LHFPL2: variants seen among roughly 807,000 people sequenced by gnomAD.
LHFPL2 encodes LHFPL tetraspan subfamily member 2 protein.
In LHFPL2, 7 loss-of-function variants were observed where a neutral mutation model predicts 17.5. That is an observed-to-expected ratio of 0.40 (90% confidence interval 0.23 to 0.75). LHFPL2 has a LOEUF of 0.75. LHFPL2 is among the 30% of genes least tolerant of loss of function. The pLI, the probability that LHFPL2 is intolerant of heterozygous loss-of-function variation, is 0.37. For missense variants in LHFPL2, 241 were observed against 294.8 expected (o/e 0.82, Z 1.34); for synonymous variants, 134 against 116.2 (o/e 1.15, Z -0.99).
intron 3 of LHFPL2, among the ~76,000 whole-genome samples, chr5:78,540,007 A>G (rs1217440049): frequency 6.6e-6 from 1 of 152,200 alleles, no homozygotes; most frequent in Admixed American, 6.5e-5. Context: ...GAGTCTCTAC[A>G]AGAATTCTAA....
chr5:78,496,884 T>C (rs10043027), intron 4 of LHFPL2, among the ~76,000 whole-genome samples: 121,299 of 152,114 alleles, frequency 0.8, 48,767 homozygotes, highest in East Asian at 0.92. Context: ...CTTGGTCCTC[T>C]TCCCTATCTA....
At chr5:78,609,450 CAAAA>C (rs71613975) in intron 2 of LHFPL2, among the ~76,000 whole-genome samples, 12 of 40,680 alleles carry the variant, frequency 2.9e-4, no homozygotes, top group African/African-American at 1.0e-3. Flanking sequence ...GACTCAGTCT[CAAAA>C]AAAAAAAAAA....
At chr5:78,641,924 C>CACATACACACAT (rs1554061989) in intron 1 of LHFPL2, 1 of 150,656 alleles carries the variant, frequency 6.6e-6, no homozygotes, top group Non-Finnish European at 1.5e-5. Flanking sequence ...CACACACACA[C>CACATACACACAT]ACACACACAC....
At position 78,592,289 on chromosome 5, in the gene LHFPL2, C is replaced by T. The variant is rs547955856; in HGVS notation, c.-244-27418G>A. 1.1e-4 allele frequency among the ~76,000 whole-genome samples: 17 copies of T among 152,278 alleles called. 1 individual carries two copies. The South Asian group carries it at 1.9e-3, about 17-fold the overall frequency. ...AGAGAGCACCTCTCTCAAAGGAGTG[C>T]GGGATGGATGCCTCAGATTTCAGAG... On this transcript the variant is annotated intron_variant, in intron 2 of 4. Transcript: ENST00000380345.
intron 2 of LHFPL2, among the ~76,000 whole-genome samples, chr5:78,618,979 A>T (rs890960511): frequency 1.1e-4 from 17 of 152,144 alleles, no homozygotes; most frequent in African/African-American, 3.9e-4. Context: ...ACTATCACCA[A>T]AAAAATATCT....
intron 2 of LHFPL2, among the ~76,000 whole-genome samples, chr5:78,592,023 T>C (rs1743644014): frequency 6.6e-6 from 1 of 152,148 alleles, no homozygotes; most frequent in Admixed American, 6.5e-5. Context: ...ATCTGGAGAG[T>C]GTCTGAAAGA....
Position 78,518,557 on chromosome 5 carries a change from C to T in LHFPL2, c.-185-8159G>A, listed in dbSNP as rs549650179. ...ACACTCCTCAGGGGAACGTGAGCTC[C>T]ACGCGCAGCTGCCAGTAGCCATAGG... On this transcript the variant is annotated intron_variant, in intron 3 of 4. Transcript: ENST00000380345. 7.2e-5 allele frequency among the ~76,000 whole-genome samples: 11 copies of T among 152,358 alleles called. No homozygotes were observed. In the South Asian group the frequency reaches 1.2e-3, roughly 17 times the overall value.
At chr5:78,644,854 CT>C (rs902228770) in intron 1 of LHFPL2, 44 of 188,270 alleles carry the variant, frequency 2.3e-4, no homozygotes, top group South Asian at 1.2e-4. Flanking sequence ...ATGTTTAGTT[CT>C]TTTTTTCCTC....
chr5:78,544,614 T>G lies in LHFPL2; in HGVS notation c.-186+20199A>C, dbSNP rs983135871. On this transcript the variant is annotated intron_variant, in intron 3 of 4. Coordinates refer to ENST00000380345, the MANE Select transcript of LHFPL2 (RefSeq NM_005779.3). ...TGTCTGAATCTTCAAGTAGCTGATC[T>G]GTGCGGATGCAGTGACGGAGCCACA... Among the ~76,000 whole-genome samples, 87 of 152,314 alleles carry G rather than the reference T, an allele frequency of 5.7e-4. 1 individual carries two copies. The highest frequency in any genetic ancestry group is 2.1e-3 in the African/African-American group (87 of 41,568).
chr5:78,605,393 G>A (rs755014340), intron 2 of LHFPL2, among the ~76,000 whole-genome samples: 44 of 152,140 alleles, frequency 2.9e-4, no homozygotes, highest in Non-Finnish European at 5.4e-4. Flanking sequence ...GAAATACATG[G>A]CCCTGACAGG....
intron 3 of LHFPL2, among the ~76,000 whole-genome samples, chr5:78,514,787 T>C (rs1366594213): frequency 1.3e-5 from 2 of 152,210 alleles, no homozygotes; most frequent in African/African-American, 4.8e-5. Context: ...GGACAAACAA[T>C]GTTTTGAAGA....
chr5:78,617,854 G>A (rs1744673842), intron 2 of LHFPL2, among the ~76,000 whole-genome samples: 1 of 152,106 alleles, frequency 6.6e-6, no homozygotes, highest in Non-Finnish European at 1.5e-5. Context: ...ATGCCAAAGA[G>A]GCATTAAAGT....
intron 2 of LHFPL2, among the ~76,000 whole-genome samples, chr5:78,571,652 C>T (rs1184262132): frequency 1.3e-5 from 2 of 152,300 alleles, no homozygotes; most frequent in East Asian, 3.9e-4. Context: ...GATATTCATA[C>T]TCATCCCTTG....
At chr5:78,552,183 G>T (rs1320939575) in intron 3 of LHFPL2, among the ~76,000 whole-genome samples, 3 of 151,240 alleles carry the variant, frequency 2.0e-5, no homozygotes, top group African/African-American at 7.3e-5. Context: ...GCCCAGGCTG[G>T]AGTGCAGTGG....
chr5:78,517,112 A>G (rs976647852), intron 3 of LHFPL2, among the ~76,000 whole-genome samples: 3 of 152,236 alleles, frequency 2.0e-5, no homozygotes, highest in African/African-American at 7.2e-5. Context: ...CCTACAAGGT[A>G]GACCTATAAG....
chr5:78,614,885 C>T (rs1002300484), intron 2 of LHFPL2, among the ~76,000 whole-genome samples: 2 of 152,170 alleles, frequency 1.3e-5, no homozygotes, highest in African/African-American at 2.4e-5. Flanking sequence ...AGCAAAGAAA[C>T]TTCAAGTAAC....
At chr5:78,504,812 C>G (rs1229936936) in intron 4 of LHFPL2, among the ~76,000 whole-genome samples, 2 of 152,234 alleles carry the variant, frequency 1.3e-5, no homozygotes, top group South Asian at 2.1e-4. Flanking sequence ...CACCCCAGCC[C>G]TGCAGAGGCA....
At chr5:78,639,515 T>G (rs2112525762) in intron 1 of LHFPL2, among the ~76,000 whole-genome samples, 1 of 152,294 alleles carries the variant, frequency 6.6e-6, no homozygotes, top group Middle Eastern at 3.4e-3. Context: ...ATTATGAGTT[T>G]TCACTGCAGA....
At chr5:78,579,948 A>C (rs1210631052) in intron 2 of LHFPL2, among the ~76,000 whole-genome samples, 2 of 152,232 alleles carry the variant, frequency 1.3e-5, no homozygotes, top group Non-Finnish European at 2.9e-5. Context: ...TGTTTGAACT[A>C]GTTTACAGTC....
Sources: allele counts gnomAD v4.1 joint callset (sites outside exome capture counted in the v4.1 genomes callset), GRCh38; gene constraint gnomAD v4.1.1; transcripts MANE v1.5; gene names NCBI Gene and HGNC (gene_info 2026-07-23, HGNC 2026-07-21).